DIS3L2: variants seen among roughly 807,000 people sequenced by gnomAD.
The protein encoded by DIS3L2 is DIS3 like 3'-5' exoribonuclease 2.
In DIS3L2, 34 loss-of-function variants were observed where a neutral mutation model predicts 97.5. The ratio of observed to expected loss-of-function variants is 0.35; its 90% CI spans 0.27 to 0.46. The LOEUF (loss-of-function observed/expected upper bound fraction) is 0.46, where lower values mean the gene tolerates loss of function less well. DIS3L2 is among the 20% of genes least tolerant of loss of function. The probability of loss-of-function intolerance (pLI) is 1.00; values close to 1 mark genes in which losing one functional copy is unlikely to be tolerated. For missense variants in DIS3L2, 1,038 were observed against 1,146.0 expected, an observed-to-expected ratio of 0.91 and a Z score of 1.36; for synonymous variants, 435 against 445.2, an observed-to-expected ratio of 0.98 and a Z score of 0.29.
At chr2:232,025,882 C>A (rs13412392) in intron 4 of DIS3L2, among the ~76,000 whole-genome samples, 3 of 151,934 alleles carry the variant, frequency 2.0e-5, no homozygotes, top group Admixed American at 6.6e-5. Flanking sequence ...GTTGAAGGAA[C>A]TTGATTGTAT....
intron 12 of DIS3L2, among the ~76,000 whole-genome samples, chr2:232,257,164 C>T (rs560148239): frequency 5.9e-5 from 9 of 152,276 alleles, no homozygotes; most frequent in South Asian, 4.2e-4. Flanking sequence ...TTACTGTGTT[C>T]GTCTCTCCCT....
At chr2:232,080,354 G>T (rs1364866695) in intron 5 of DIS3L2, among the ~76,000 whole-genome samples, 1 of 152,172 alleles carries the variant, frequency 6.6e-6, no homozygotes, top group Admixed American at 6.5e-5. Context: ...AGATGGGAAA[G>T]ATTGAGCTAG....
chr2:232,252,458 C>T (rs1292125587), intron 12 of DIS3L2, among the ~76,000 whole-genome samples: 4 of 152,172 alleles, frequency 2.6e-5, no homozygotes, highest in African/African-American at 4.8e-5. Flanking sequence ...GCTGGATCCT[C>T]TCGTGGGCTT....
At chr2:232,337,415 G>C (rs1695995174), downstream of DIS3L2, among the ~76,000 whole-genome samples, 1 of 152,126 alleles carries the variant, frequency 6.6e-6, no homozygotes, top group African/African-American at 2.4e-5. Context: ...AGGGAGCCTG[G>C]ACAGAGGAGC....
At chr2:232,195,535 T>C (rs913049047) in intron 9 of DIS3L2, among the ~76,000 whole-genome samples, 1 of 123,396 alleles carries the variant, frequency 8.1e-6, no homozygotes, top group African/African-American at 3.1e-5. Flanking sequence ...CTTGAGTCAG[T>C]TCCTGGGGTG....
chr2:232,023,197 C>G (rs1380547323), intron 3 of DIS3L2: 1 of 152,184 alleles, frequency 6.6e-6, no homozygotes, highest in Non-Finnish European at 1.5e-5. Flanking sequence ...ATTATCTTCT[C>G]CATCAGTGTG....
At chr2:232,032,703 A>G (rs534368364) in intron 5 of DIS3L2, among the ~76,000 whole-genome samples, 1 of 152,254 alleles carries the variant, frequency 6.6e-6, no homozygotes, top group South Asian at 2.1e-4. Context: ...TTAGTTTTCT[A>G]CATATGGCTA....
chr2:232,252,720 T>C (rs950611157), intron 12 of DIS3L2, among the ~76,000 whole-genome samples: 1 of 152,066 alleles, frequency 6.6e-6, no homozygotes, highest in East Asian at 1.9e-4. Flanking sequence ...GGGCAACATA[T>C]TGAAACCCTG....
intron 14 of DIS3L2, among the ~76,000 whole-genome samples, chr2:232,322,095 G>A (rs1419253055): frequency 6.6e-6 from 1 of 152,224 alleles, no homozygotes; most frequent in Non-Finnish European, 1.5e-5. Context: ...GACTACGGGG[G>A]TGCCTGACCC....
At chr2:232,301,488 C>T (rs1021998029) in intron 14 of DIS3L2, among the ~76,000 whole-genome samples, 3 of 152,226 alleles carry the variant, frequency 2.0e-5, no homozygotes, top group Non-Finnish European at 4.4e-5. Flanking sequence ...GGGCCTTCCT[C>T]AAGACCTCTG....
intron 4 of DIS3L2, among the ~76,000 whole-genome samples, chr2:232,027,190 T>C (rs1694683627): frequency 6.6e-6 from 1 of 152,212 alleles, no homozygotes; most frequent in Non-Finnish European, 1.5e-5. Flanking sequence ...TCTAGATTTC[T>C]GAGTATACAT....
At chr2:231,964,764 G>A (rs1042537411) in intron 1 of DIS3L2, among the ~76,000 whole-genome samples, 12 of 152,290 alleles carry the variant, frequency 7.9e-5, no homozygotes, top group African/African-American at 2.4e-4. Flanking sequence ...AAAGAAAAGT[G>A]CACACATGAA....
At chr2:232,278,177 G>A (rs2106297733) in intron 13 of DIS3L2, among the ~76,000 whole-genome samples, 1 of 151,960 alleles carries the variant, frequency 6.6e-6, no homozygotes, top group Non-Finnish European at 1.5e-5. Context: ...CCTGCTTGTG[G>A]GCTCAATCAA....
At chr2:232,086,178 TATATATACACACGTATAGACGTGTATAC>T (rs1696580153) in intron 5 of DIS3L2, among the ~76,000 whole-genome samples, 1 of 147,578 alleles carries the variant, frequency 6.8e-6, no homozygotes, top group African/African-American at 2.6e-5. Context: ...CGTATATACG[TATATATACACACGTATAGACGTGTATAC>T]GTATATATAC....
intron 13 of DIS3L2, among the ~76,000 whole-genome samples, chr2:232,273,478 T>A (rs956105228): frequency 1.3e-5 from 2 of 152,194 alleles, no homozygotes; most frequent in African/African-American, 2.4e-5. Context: ...TATAAGAGGA[T>A]TAGATACATA....
rs546449200 is a variant in DIS3L2, at chr2:232,279,690, G to A, written c.1659+16250G>A. Among the ~76,000 whole-genome samples the A allele has an allele frequency of 4.6e-5, 7 of 152,070 alleles. No individual in the cohort carries two copies. In the East Asian group the frequency reaches 1.2e-3, roughly 25 times the overall value. ...ATTACAGACAACCACCACCACGCCC[G>A]GCTAATTATTTTATATTTTTAGTAG... On this transcript the variant is annotated intron_variant, in intron 13 of 20. Transcript: ENST00000325385.
chr2:232,155,555 T>G (rs945057308), intron 8 of DIS3L2, among the ~76,000 whole-genome samples: 1 of 152,232 alleles, frequency 6.6e-6, no homozygotes, highest in Non-Finnish European at 1.5e-5. Flanking sequence ...AATTTTCTTT[T>G]CTGAGACTTA....
intron 12 of DIS3L2, among the ~76,000 whole-genome samples, chr2:232,257,529 G>A (rs1240390458): frequency 2.0e-5 from 3 of 152,248 alleles, no homozygotes; most frequent in South Asian, 2.1e-4. Context: ...ACTCCAAACA[G>A]CCTGGTTTTG....
At chr2:232,030,609 G>A (rs1694778578) in intron 5 of DIS3L2, among the ~76,000 whole-genome samples, 1 of 152,134 alleles carries the variant, frequency 6.6e-6, no homozygotes, top group African/African-American at 2.4e-5. Flanking sequence ...TAATATGAGA[G>A]TATTTTGGGT....
Sources: allele counts gnomAD v4.1 joint callset (sites outside exome capture counted in the v4.1 genomes callset), GRCh38; gene constraint gnomAD v4.1.1; transcripts MANE v1.5; gene names NCBI Gene and HGNC (gene_info 2026-07-23, HGNC 2026-07-21).